Variants in RCC2 observed in about 807,000 individuals in gnomAD.
RCC2 encodes regulator of chromosome condensation 2, also known as protein RCC2.
Under a neutral mutation model 64.1 loss-of-function variants are expected in RCC2, and 19 were observed. The ratio of observed to expected loss-of-function variants is 0.30; its 90% CI spans 0.21 to 0.44. The LOEUF (loss-of-function observed/expected upper bound fraction) is 0.44, where lower values mean the gene tolerates loss of function less well. Among genes scored for constraint, RCC2 ranks in the 20% least tolerant of loss-of-function variants. The pLI is 1.00. For missense variants in RCC2, 508 were observed against 710.4 expected, an observed-to-expected ratio of 0.72 and a Z score of 3.24; for synonymous variants, 325 against 279.6, an observed-to-expected ratio of 1.16 and a Z score of -1.62.
chr1:17,407,643 A>C lies in RCC2; in HGVS notation c.*1447T>G, dbSNP rs1371068124. On this transcript the variant is annotated 3_prime_UTR_variant, in exon 13 of 13. Coordinates refer to ENST00000375436, the MANE Select transcript of RCC2 (RefSeq NM_018715.4). ...GACTGGGGTGGAAAATAGGGAAAAA[A>C]GCAACAACAACTACATCATTTTTGG... 6.6e-6 allele frequency: 1 copy of C among 152,612 alleles called. No individual in the cohort carries two copies. Among genetic ancestry groups the C allele is most frequent in the South Asian group, 2.1e-4 (1 of 4,828 alleles). 9.5% of individuals were successfully genotyped at this position (152,612 alleles called of 1,614,324 possible).
At chr1:17,413,497 C>T (rs755278939) in intron 9 of RCC2, 40 bp downstream of exon 9, 5 of 1,601,856 alleles carry the variant, frequency 3.1e-6, no homozygotes, top group South Asian at 1.1e-5. Flanking sequence ...CACGGTTCCG[C>T]ACCAGAGCAC....
intron 2 of RCC2, 29 bp from the exon 3 acceptor site, chr1:17,429,228 T>C (rs960065906): frequency 8.5e-5 from 134 of 1,574,608 alleles, no homozygotes; most frequent in Non-Finnish European, 1.1e-4. Context: ...GAAAAAAGAA[T>C]TAGTGTGTAA....
In RCC2 at chr1:17,426,765, T is replaced by C. The variant is rs557768933; in HGVS notation, c.380-1081A>G. ...GGGCCAATTTCTTACTTTTCTTTTTTTTTTTTTTTTTTTTTTTTTGAGACA... is the reference window on the plus strand; with the variant it reads ...GGGCCAATTTCTTACTTTTCTTTTTCTTTTTTTTTTTTTTTTTTTGAGACA... On this transcript the variant is annotated intron_variant, in intron 3 of 12. Transcript: ENST00000375436. 6.6e-5 allele frequency among the ~76,000 whole-genome samples: 4 copies of C among 60,436 alleles called. No individual in the cohort carries two copies. The South Asian group carries it at 2.0e-3, about 30-fold the overall frequency. 39.6% of individuals were successfully genotyped at this position (60,436 alleles called of 152,430 possible).
At chr1:17,425,208 G>A (rs1037553838) in intron 4 of RCC2, among the ~76,000 whole-genome samples, 1 of 152,138 alleles carries the variant, frequency 6.6e-6, no homozygotes, top group Non-Finnish European at 1.5e-5. Context: ...ACTGTCTGCT[G>A]GAAGGACAGC....
At chr1:17,435,480 G>C in intron 2 of RCC2, among the ~76,000 whole-genome samples, 1 of 152,230 alleles carries the variant, frequency 6.6e-6, no homozygotes, top group Non-Finnish European at 1.5e-5. Flanking sequence ...GCAGCACACA[G>C]GGTCCCTAGG....
At chr1:17,431,647 C>T (rs1249429838) in intron 2 of RCC2, among the ~76,000 whole-genome samples, 2 of 151,746 alleles carry the variant, frequency 1.3e-5, no homozygotes. Flanking sequence ...ATCTTCATGA[C>T]GGATGATTTC....
At chr1:17,428,387 G>A (rs1557631498) in intron 3 of RCC2, among the ~76,000 whole-genome samples, 1 of 151,768 alleles carries the variant, frequency 6.6e-6, no homozygotes, top group African/African-American at 2.4e-5. Context: ...TGGCCCCCAG[G>A]TGTTTTCATG....
chr1:17,413,793 A>G, intron 8 of RCC2, 76 bp from the exon 9 acceptor site: 1 of 1,341,676 alleles, frequency 7.5e-7, no homozygotes, highest in Non-Finnish European at 1.0e-6. Flanking sequence ...GTTTCTGTGC[A>G]GACAACCTGG....
intron 5 of RCC2, 134 bp from the exon 6 acceptor site, chr1:17,422,425 T>C (rs2075565869): frequency 1.4e-5 from 12 of 834,698 alleles, no homozygotes; most frequent in Middle Eastern, 3.6e-4. Context: ...GCCCAAAAGC[T>C]GGCAGTGCAG....
chr1:17,415,705 G>A (rs1234575335), intron 8 of RCC2, among the ~76,000 whole-genome samples: 2 of 149,462 alleles, frequency 1.3e-5, no homozygotes, highest in Non-Finnish European at 3.0e-5. Flanking sequence ...GTGAAACTCC[G>A]CCTCAAATAA....
Position 17,408,929 on chromosome 1 carries a change from C to T in RCC2, c.*161G>A, listed in dbSNP as rs1417163298. 1.6e-5 allele frequency: 10 copies of T among 616,828 alleles called. No individual in the cohort carries two copies. The highest frequency in any genetic ancestry group is 8.3e-5 in the Admixed American group (3 of 36,212). 38.2% of individuals were successfully genotyped at this position (616,828 alleles called of 1,614,324 possible). ...AGCATACAGAAAAAAAGGTAGTTAA[C>T]GTTGGATCATGTGTAAAACGGAACC... On this transcript the variant is annotated 3_prime_UTR_variant, in exon 13 of 13. Coordinates refer to ENST00000375436, the MANE Select transcript of RCC2 (RefSeq NM_018715.4).
chr1:17,413,318 C>A, intron 9 of RCC2, 140 bp from the exon 10 acceptor site: 1 of 832,142 alleles, frequency 1.2e-6, no homozygotes, highest in Non-Finnish European at 2.0e-6. Context: ...GGCGTGGTGG[C>A]GTGCCTGTGC....
At chr1:17,414,241 G>A (rs1442161447) in intron 8 of RCC2, among the ~76,000 whole-genome samples, 1 of 152,116 alleles carries the variant, frequency 6.6e-6, no homozygotes, top group Non-Finnish European at 1.5e-5. Flanking sequence ...CACTACAACA[G>A]AGATTCGGCC....
intron 6 of RCC2, among the ~76,000 whole-genome samples, 166 bp from the exon 7 acceptor site, chr1:17,420,994 G>T (rs58631872): frequency 6.6e-6 from 1 of 152,236 alleles, no homozygotes; most frequent in East Asian, 1.9e-4. Context: ...ACAAAGCTTA[G>T]AAGATATGTA....
Position 17,422,248 on chromosome 1 carries a change from C to A in RCC2, c.699G>T (p.Gln233His). The A allele has an allele frequency of 6.2e-7, 1 of 1,612,246 alleles. No individual in the cohort carries two copies. The highest frequency in any genetic ancestry group is 8.5e-7 in the Non-Finnish European group (1 of 1,179,898). Reference protein sequence around the residue: ...VFAFGENKMGQLGLGNQTDAV... With the variant: ...VFAFGENKMGHLGLGNQTDAV... ...CGTCTGTCTGGTTGCCAAGGCCCAG[C>A]TGCCCCATCTTGTTTTCCCCAAACG... The change falls in exon 6 of 13, where the codon CAG (glutamine) becomes CAT (histidine). Residue 233 changes from glutamine to histidine, a missense_variant. Coordinates refer to ENST00000375436, the MANE Select transcript of RCC2 (RefSeq NM_018715.4).
intron 11 of RCC2, among the ~76,000 whole-genome samples, chr1:17,411,540 G>A (rs1020102704): frequency 3.4e-5 from 5 of 145,598 alleles, no homozygotes; most frequent in Non-Finnish European, 6.0e-5. Flanking sequence ...CCAAGATCGC[G>A]CCACTGCACT....
At chr1:17,419,450 G>A (rs769629545) in intron 7 of RCC2, among the ~76,000 whole-genome samples, 2 of 152,176 alleles carry the variant, frequency 1.3e-5, no homozygotes, top group African/African-American at 2.4e-5. Context: ...GGCCATAGTC[G>A]GATTTAGGTT....
At chr1:17,426,291 G>A (rs1375879820) in intron 3 of RCC2, among the ~76,000 whole-genome samples, 2 of 152,038 alleles carry the variant, frequency 1.3e-5, no homozygotes, top group African/African-American at 2.4e-5. Flanking sequence ...GCCCCTTGAG[G>A]AGGGGCACTG....
intron 11 of RCC2, among the ~76,000 whole-genome samples, chr1:17,410,372 AG>A (rs1443525284): frequency 7.2e-5 from 11 of 152,352 alleles, no homozygotes; most frequent in African/African-American, 2.4e-4. Flanking sequence ...CCACGAGTGC[AG>A]GAAGAATGGC....
Sources: gnomAD v4.1 joint callset for allele counts (sites outside exome capture counted in the v4.1 genomes callset) on GRCh38, gnomAD v4.1.1 for gene constraint, MANE v1.5 for transcripts, NCBI Gene and HGNC (gene_info 2026-07-23, HGNC 2026-07-21) for gene names.